The following SLC35F3 variants were observed in gnomAD, a reference collection of about 807,000 sequenced individuals.
The protein encoded by SLC35F3 is putative thiamine transporter SLC35F3.
A neutral mutation model predicts 49.9 loss-of-function variants in SLC35F3; 25 were observed. The observed-to-expected ratio is 0.50, with a 90% CI of 0.37 to 0.70. The LOEUF (loss-of-function observed/expected upper bound fraction) is 0.70. Ranked by LOEUF, SLC35F3 falls within the 30% of genes least tolerant of loss-of-function variation. The pLI, the probability that SLC35F3 is intolerant of heterozygous loss-of-function variation, is 0.00. For synonymous variants in SLC35F3, 275 were observed against 265.4 expected (o/e 1.04, Z -0.35); for missense variants, 525 against 639.8 (o/e 0.82, Z 1.94).
rs1485591094 is a variant in SLC35F3, at chr1:234,157,591, A to C, written c.284-73826A>C. Among the ~76,000 whole-genome samples the C allele has an allele frequency of 2.0e-5, 3 of 152,248 alleles. No homozygotes were observed. In the East Asian group the frequency reaches 5.8e-4, roughly 29 times the overall value. On this transcript the variant is annotated intron_variant, in intron 2 of 7. Transcript: ENST00000366618. ...AAGCATGGTTGTTTTCTCTCGGGAA[A>C]GATTTTGTTTTCAGCATCCATGTCT...
intron 2 of SLC35F3, among the ~76,000 whole-genome samples, chr1:234,025,294 C>G (rs1663961255): frequency 6.6e-6 from 1 of 152,164 alleles, no homozygotes; most frequent in South Asian, 2.1e-4. Flanking sequence ...GTGCATATGT[C>G]CTTTTGGCAG....
chr1:234,117,500 G>A (rs1181807180), intron 2 of SLC35F3, among the ~76,000 whole-genome samples: 1 of 151,870 alleles, frequency 6.6e-6, no homozygotes, highest in Non-Finnish European at 1.5e-5. Context: ...GCTGAGGCAC[G>A]AAAATCACTT....
chr1:233,931,620 G>A (rs561423810), intron 2 of SLC35F3, among the ~76,000 whole-genome samples: 3 of 152,182 alleles, frequency 2.0e-5, no homozygotes, highest in South Asian at 2.1e-4. Flanking sequence ...TTAGAATGGC[G>A]GTCATTAAAA....
intron 3 of SLC35F3, among the ~76,000 whole-genome samples, chr1:234,260,062 G>T (rs564176980): frequency 1.3e-5 from 2 of 151,848 alleles, no homozygotes; most frequent in South Asian, 4.2e-4. Context: ...TAACTTCTAC[G>T]GCAAAAAAAA....
intron 2 of SLC35F3, among the ~76,000 whole-genome samples, chr1:234,058,716 T>A (rs1192933497): frequency 6.6e-6 from 1 of 152,214 alleles, no homozygotes; most frequent in Non-Finnish European, 1.5e-5. Context: ...CATTCTATAG[T>A]TTTCTTGTGA....
intron 2 of SLC35F3, among the ~76,000 whole-genome samples, chr1:234,004,902 C>T (rs1263288773): frequency 6.6e-6 from 1 of 152,046 alleles, no homozygotes; most frequent in Non-Finnish European, 1.5e-5. Context: ...AAATTTGCAA[C>T]TCAGTCAATA....
chr1:234,249,393 G>C (rs1244043203), intron 3 of SLC35F3, among the ~76,000 whole-genome samples: 2 of 152,224 alleles, frequency 1.3e-5, no homozygotes, highest in East Asian at 3.9e-4. Flanking sequence ...AGGCCGGGCT[G>C]TGTGTGAACC....
intron 3 of SLC35F3, among the ~76,000 whole-genome samples, chr1:234,251,372 T>C (rs1195698354): frequency 2.0e-5 from 3 of 151,736 alleles, no homozygotes; most frequent in Admixed American, 6.6e-5. Context: ...ATCATTTGAG[T>C]TTGACCCTTT....
intron 3 of SLC35F3, among the ~76,000 whole-genome samples, chr1:234,278,936 A>G (rs933842258): frequency 1.3e-5 from 2 of 152,168 alleles, no homozygotes; most frequent in South Asian, 2.1e-4. Flanking sequence ...AACCCTGAAT[A>G]TCTGAGACAG....
At position 234,019,351 on chromosome 1, in the gene SLC35F3, A is replaced by G. The variant is rs755819331; in HGVS notation, c.283+113593A>G. ...ACCAACAGGGTGTGTATGTGCATGTATATGTGTGTGTGTAATGAGAGAGAG... is the reference window on the plus strand; with the variant it reads ...ACCAACAGGGTGTGTATGTGCATGTGTATGTGTGTGTGTAATGAGAGAGAG... On this transcript the variant is annotated intron_variant, in intron 2 of 7. Coordinates refer to ENST00000366618, the MANE Select transcript of SLC35F3 (RefSeq NM_173508.4). Among the ~76,000 whole-genome samples the G allele has an allele frequency of 6.0e-5, 9 of 149,142 alleles. No individual in the cohort carries two copies. The East Asian group carries it at 8.0e-4, about 13-fold the overall frequency.
chr1:234,155,202 C>T (rs1183978146), intron 2 of SLC35F3, among the ~76,000 whole-genome samples: 1 of 152,142 alleles, frequency 6.6e-6, no homozygotes, highest in East Asian at 1.9e-4. Flanking sequence ...ATACAGAGGG[C>T]TGATTACATA....
chr1:234,031,971 C>A (rs1344599111), intron 2 of SLC35F3, among the ~76,000 whole-genome samples: 4 of 152,100 alleles, frequency 2.6e-5, no homozygotes, highest in Non-Finnish European at 4.4e-5. Flanking sequence ...ACAAAAACAA[C>A]AGCCCACTGC....
intron 2 of SLC35F3, among the ~76,000 whole-genome samples, chr1:234,035,458 G>T (rs1342616123): frequency 6.6e-6 from 1 of 152,004 alleles, no homozygotes; most frequent in Non-Finnish European, 1.5e-5. Flanking sequence ...CCTTAACGTG[G>T]GTTTATTTTC....
intron 2 of SLC35F3, among the ~76,000 whole-genome samples, chr1:234,003,780 G>A (rs2102833860): frequency 6.6e-6 from 1 of 152,216 alleles, no homozygotes; most frequent in East Asian, 1.9e-4. Context: ...GACAAACCAA[G>A]AAATGGTAAA....
chr1:234,097,831 G>A (rs986038115), intron 2 of SLC35F3, among the ~76,000 whole-genome samples: 17 of 152,220 alleles, frequency 1.1e-4, no homozygotes, highest in Admixed American at 3.3e-4. Context: ...GTAGAGATAA[G>A]AATTTTGCAT....
chr1:233,977,132 C>T (rs1255686637), intron 2 of SLC35F3, among the ~76,000 whole-genome samples: 1 of 152,238 alleles, frequency 6.6e-6, no homozygotes, highest in Non-Finnish European at 1.5e-5. Flanking sequence ...GTCCCATCCA[C>T]CCACCTCCCC....
At chr1:233,905,261 C>T (rs1440371704) in intron 1 of SLC35F3, 131 bp downstream of exon 1, 3 of 1,016,668 alleles carry the variant, frequency 3.0e-6, no homozygotes, top group Non-Finnish European at 4.4e-6. Context: ...TGGAGCTGCT[C>T]GGGAAGTTTC....
chr1:234,048,677 G>C (rs934096513), intron 2 of SLC35F3, among the ~76,000 whole-genome samples: 2 of 61,560 alleles, frequency 3.2e-5, no homozygotes, highest in Non-Finnish European at 6.5e-5. Context: ...GCTTGGGGTT[G>C]GAACCACCTG....
chr1:234,292,104 G>C (rs1572138025), intron 3 of SLC35F3, among the ~76,000 whole-genome samples: 1 of 152,198 alleles, frequency 6.6e-6, no homozygotes, highest in African/African-American at 2.4e-5. Flanking sequence ...GATTTGTAAG[G>C]CTTTGATGCA....
Sources: allele counts gnomAD v4.1 joint callset (sites outside exome capture counted in the v4.1 genomes callset), GRCh38; gene constraint gnomAD v4.1.1; transcripts MANE v1.5; gene names NCBI Gene and HGNC (gene_info 2026-07-23, HGNC 2026-07-21).